Variants in DPP6 observed in about 807,000 individuals in gnomAD.
The protein encoded by DPP6 is dipeptidyl peptidase like 6, also known as A-type potassium channel modulatory protein DPP6.
A neutral mutation model predicts 122.6 loss-of-function variants in DPP6; 69 were observed. That is an observed-to-expected ratio of 0.56 (90% CI 0.46 to 0.69). DPP6 has a LOEUF of 0.69. DPP6 is among the 30% of genes least tolerant of loss of function. The pLI is 0.00. For missense variants in DPP6, 928 were observed against 1,116.9 expected (o/e 0.83, Z 2.41); for synonymous variants, 418 against 433.1 (o/e 0.97, Z 0.43).
chr7:154,453,210 G>C (rs889139239), intron 2 of DPP6, among the ~76,000 whole-genome samples: 4 of 152,106 alleles, frequency 2.6e-5, no homozygotes, highest in Admixed American at 1.3e-4. Flanking sequence ...TCTCACATTA[G>C]AGCAGGTGGA....
chr7:154,556,358 G>C (rs73483846), intron 4 of DPP6, among the ~76,000 whole-genome samples: 8,978 of 152,164 alleles, frequency 0.059, 391 homozygotes, highest in African/African-American at 0.12. Context: ...ATCAAATTTT[G>C]CATAGAAGTA....
intron 4 of DPP6, 25 bp downstream of exon 4, chr7:154,540,651 G>A (rs1450720945): frequency 7.2e-7 from 1 of 1,381,512 alleles, no homozygotes; most frequent in East Asian, 2.4e-5. Context: ...TAATGACCGG[G>A]ATAATTTCAG....
intron 1 of DPP6, among the ~76,000 whole-genome samples, chr7:154,122,474 T>G (rs1365067864): frequency 6.6e-6 from 1 of 152,220 alleles, no homozygotes; most frequent in Non-Finnish European, 1.5e-5. Context: ...TAAACCGAAG[T>G]TACTAGAAAG....
chr7:154,118,139 G>C, intron 1 of DPP6, among the ~76,000 whole-genome samples: 1 of 150,144 alleles, frequency 6.7e-6, no homozygotes, highest in Non-Finnish European at 1.5e-5. Flanking sequence ...AAGGCTAGTG[G>C]GCCTAGTGTT....
At chr7:153,859,126 C>A in the DPP6 span, among the ~76,000 whole-genome samples, 1 of 152,136 alleles carries the variant, frequency 6.6e-6, no homozygotes, top group Non-Finnish European at 1.5e-5. Context: ...ATGAACAAAA[C>A]CTTCACCTGT....
intron 1 of DPP6, among the ~76,000 whole-genome samples, chr7:154,105,916 T>G (rs1454847479): frequency 6.6e-6 from 1 of 150,384 alleles, no homozygotes; most frequent in Non-Finnish European, 1.5e-5. Flanking sequence ...AAGTCCACAT[T>G]GCAGGCTCTT....
At chr7:154,309,721 AAAG>A (rs1161672426) in intron 1 of DPP6, among the ~76,000 whole-genome samples, 4 of 152,220 alleles carry the variant, frequency 2.6e-5, no homozygotes, top group Non-Finnish European at 4.4e-5. Context: ...ACAGGAAAAA[AAAG>A]AAGTGAAAAG....
At chr7:154,381,184 C>T (rs1167108475) in intron 1 of DPP6, among the ~76,000 whole-genome samples, 2 of 152,098 alleles carry the variant, frequency 1.3e-5, no homozygotes, top group Non-Finnish European at 2.9e-5. Context: ...ATGTCACTGC[C>T]GGACTCTGTG....
At chr7:154,569,977 G>A (rs1040765167) in intron 5 of DPP6, among the ~76,000 whole-genome samples, 1 of 151,796 alleles carries the variant, frequency 6.6e-6, no homozygotes, top group Admixed American at 6.6e-5. Context: ...GGTGAAGGGC[G>A]ACCCAATGAA....
intron 1 of DPP6, among the ~76,000 whole-genome samples, chr7:154,152,922 C>T (rs1280774226): frequency 6.6e-6 from 1 of 152,336 alleles, no homozygotes; most frequent in Non-Finnish European, 1.5e-5. Flanking sequence ...CTCCCTGTTA[C>T]GTACATAATT....
intron 1 of DPP6, among the ~76,000 whole-genome samples, chr7:154,151,585 C>T (rs1796425044): frequency 6.6e-6 from 1 of 152,220 alleles, no homozygotes; most frequent in Admixed American, 6.5e-5. Context: ...GCCCCAAGAC[C>T]CTGCAGCCTG....
intron 16 of DPP6, among the ~76,000 whole-genome samples, chr7:154,815,950 A>G (rs750980647): frequency 2.4e-4 from 36 of 152,246 alleles, no homozygotes; most frequent in African/African-American, 6.5e-4. Context: ...TCTGATAACT[A>G]TTCTTCTTAC....
intron 6 of DPP6, among the ~76,000 whole-genome samples, chr7:154,663,305 C>T (rs1302338800): frequency 2.0e-5 from 1 of 49,674 alleles, no homozygotes; most frequent in Non-Finnish European, 7.3e-5. Flanking sequence ...GCGTATTGGC[C>T]ATAGTGTTCA....
rs1367890579 is a variant in DPP6 at position 154,875,125 on chromosome 7, A to G, written c.1884-781A>G. ...AAACAAAAGAAAAAAAAAGAAGAAA[A>G]GAAAAGAAAGAGAGAGAGAGAAGGA... On this transcript the variant is annotated intron_variant, in intron 19 of 25. Coordinates refer to ENST00000377770, the MANE Select transcript of DPP6 (RefSeq NM_130797.4). The surrounding 1 kb of genome is among the most constrained non-coding windows in gnomAD (Gnocchi z 4.5). Among the ~76,000 whole-genome samples, 2 of 151,842 alleles carry G rather than the reference A, an allele frequency of 1.3e-5. No individual in the cohort carries two copies. Among genetic ancestry groups the G allele is most frequent in the Non-Finnish European group, 2.9e-5 (2 of 67,934 alleles).
chr7:154,163,807 C>G (rs1166267336), intron 1 of DPP6, among the ~76,000 whole-genome samples: 1 of 152,182 alleles, frequency 6.6e-6, no homozygotes, highest in Non-Finnish European at 1.5e-5. Context: ...TGGGAAGCAC[C>G]TGGGCCACTA....
At chr7:154,074,070 CAT>C (rs562219851) in intron 1 of DPP6, among the ~76,000 whole-genome samples, 109 of 137,446 alleles carry the variant, frequency 7.9e-4, no homozygotes, top group African/African-American at 2.7e-3. Flanking sequence ...TCCATATATA[CAT>C]ATAGAGAGAG....
At chr7:153,867,117 T>G in the DPP6 span, among the ~76,000 whole-genome samples, 3 of 152,224 alleles carry the variant, frequency 2.0e-5, no homozygotes, top group South Asian at 6.2e-4. Context: ...GGCTTACGAT[T>G]GACTTGGCAA....
At chr7:154,114,985 TGCTGACG>T (rs1168770724) in intron 1 of DPP6, among the ~76,000 whole-genome samples, 1 of 152,222 alleles carries the variant, frequency 6.6e-6, no homozygotes, top group African/African-American at 2.4e-5. Context: ...CTCATGGGCA[TGCTGACG>T]GCAAGAGTTA....
At chr7:154,698,839 A>C (rs1408733285) in intron 7 of DPP6, among the ~76,000 whole-genome samples, 1 of 152,258 alleles carries the variant, frequency 6.6e-6, no homozygotes, top group Admixed American at 6.5e-5. Flanking sequence ...TGCCAGAGGC[A>C]GCGACTTCTG....
Sources: gnomAD v4.1 joint callset for allele counts (sites outside exome capture counted in the v4.1 genomes callset) on GRCh38, gnomAD v4.1.1 for gene constraint, Gnocchi (gnomAD v3.1) non-coding constraint, MANE v1.5 for transcripts, NCBI Gene and HGNC (gene_info 2026-07-23, HGNC 2026-07-21) for gene names.